Variants in NCKAP1 observed in about 807,000 individuals in gnomAD.
NCKAP1 encodes nck-associated protein 1.
Under a neutral mutation model 151.2 loss-of-function variants are expected in NCKAP1, and 21 were observed. The ratio of observed to expected loss-of-function variants is 0.14; its 90% CI spans 0.10 to 0.20. The LOEUF (loss-of-function observed/expected upper bound fraction) is 0.20, where lower values mean the gene tolerates loss of function less well. Ranked by LOEUF, NCKAP1 falls within the 10% of genes least tolerant of loss-of-function variation. The pLI is 1.00. For missense variants in NCKAP1, 933 were observed against 1,352.1 expected (o/e 0.69, Z 4.86); for synonymous variants, 484 against 451.8 (o/e 1.07, Z -0.90).
chr2:182,971,081 C>G (rs908724748), intron 15 of NCKAP1, among the ~76,000 whole-genome samples: 3 of 152,022 alleles, frequency 2.0e-5, no homozygotes, highest in African/African-American at 4.8e-5. Context: ...ATGAAGGAAA[C>G]TGAAGAAGAC....
intron 8 of NCKAP1, among the ~76,000 whole-genome samples, chr2:182,990,172 G>A (rs575168585): frequency 1.3e-5 from 2 of 151,962 alleles, no homozygotes; most frequent in South Asian, 2.1e-4. Context: ...ATTATCCTGT[G>A]TAGTAGACAA....
At chr2:183,036,807 T>C (rs1699110534) in intron 1 of NCKAP1, among the ~76,000 whole-genome samples, 1 of 137,172 alleles carries the variant, frequency 7.3e-6, no homozygotes, top group African/African-American at 3.2e-5. Context: ...CGCTTGGAAA[T>C]GAATTTCCAA....
rs1459130425 is a variant in NCKAP1, at chr2:182,945,445, TC to T, written c.2602-3283del. 2.0e-5 allele frequency among the ~76,000 whole-genome samples: 3 copies of T among 151,950 alleles called. No homozygotes were observed. The East Asian group carries it at 5.8e-4, about 29-fold the overall frequency. On this transcript the variant is annotated intron_variant, in intron 23 of 30. Transcript: ENST00000361354. ...AACCAGCAAAGAAATTACAGAATGA[TC>T]TTTAAAATATTACAATTCCCCCCAA...
intron 2 of NCKAP1, among the ~76,000 whole-genome samples, chr2:183,015,347 A>C (rs949779397): frequency 1.3e-5 from 2 of 152,156 alleles, no homozygotes; most frequent in African/African-American, 4.8e-5. Context: ...AACTCATGAA[A>C]ATTCAGTGGA....
chr2:182,971,351 A>G lies in NCKAP1; in HGVS notation c.1483-3990T>C, dbSNP rs1015881985. ...GGAGCTTGCAGTGAGCCGAGATCCC[A>G]CCACTGCACTCCAGCCTGGGCGACA... On this transcript the variant is annotated intron_variant, in intron 15 of 30. Coordinates refer to ENST00000361354, the MANE Select transcript of NCKAP1 (RefSeq NM_013436.5). Among the ~76,000 whole-genome samples, 5 of 140,860 alleles carry G rather than the reference A, an allele frequency of 3.5e-5. No homozygotes were observed. In the East Asian group the frequency reaches 6.2e-4, roughly 18 times the overall value. The allele number at this position is 140,860 out of a possible 152,430, so 92.4% of individuals were successfully genotyped here. A position where few individuals can be genotyped will look rare whatever the true frequency, so the allele number is the denominator to read the frequency against.
chr2:183,005,399 C>T (rs192894658), intron 2 of NCKAP1, among the ~76,000 whole-genome samples: 4 of 152,158 alleles, frequency 2.6e-5, no homozygotes, highest in Non-Finnish European at 5.9e-5. Flanking sequence ...TAAATACAAA[C>T]CTCATTTTCC....
In NCKAP1 at chr2:182,920,808, G is replaced by A. The variant is rs1048244671; in HGVS notation, c.*4894C>T. The A allele has an allele frequency of 2.0e-5, 3 of 152,050 alleles. No individual in the cohort carries two copies. Among genetic ancestry groups the A allele is most frequent in the Non-Finnish European group, 4.4e-5 (3 of 68,028 alleles). 9.4% of individuals were successfully genotyped at this position (152,050 alleles called of 1,614,324 possible). On this transcript the variant is annotated 3_prime_UTR_variant, in exon 31 of 31. Coordinates refer to ENST00000361354, the MANE Select transcript of NCKAP1 (RefSeq NM_013436.5). ...TTTCAACATATGAATTTTGTGGCCA[G>A]GGGGACACAAACATTCAGACCACAG...
intron 26 of NCKAP1, among the ~76,000 whole-genome samples, chr2:182,934,218 C>T (rs891826494): frequency 7.9e-5 from 12 of 151,828 alleles, no homozygotes; most frequent in African/African-American, 1.9e-4. Context: ...GCTCGCTACA[C>T]GCTCCGCCTC....
At chr2:182,934,001 T>A (rs1235816442) in intron 26 of NCKAP1, among the ~76,000 whole-genome samples, 1 of 152,160 alleles carries the variant, frequency 6.6e-6, no homozygotes, top group Admixed American at 6.5e-5. Context: ...TTTATATATA[T>A]ATTACATATA....
intron 13 of NCKAP1, among the ~76,000 whole-genome samples, chr2:182,979,734 G>C (rs1431483742): frequency 6.6e-5 from 10 of 152,112 alleles, no homozygotes; most frequent in Admixed American, 3.9e-4. Flanking sequence ...CTTTGCAACA[G>C]AAGAGGGTGG....
chr2:182,972,429 A>G (rs896866794), intron 15 of NCKAP1, among the ~76,000 whole-genome samples: 2 of 152,060 alleles, frequency 1.3e-5, no homozygotes, highest in African/African-American at 4.8e-5. Flanking sequence ...AATAAATGCT[A>G]ACGAGGATGT....
intron 15 of NCKAP1, among the ~76,000 whole-genome samples, chr2:182,974,862 A>G (rs1048486773): frequency 1.3e-5 from 2 of 152,260 alleles, no homozygotes; most frequent in Admixed American, 1.3e-4. Context: ...GCTCTTATAA[A>G]AATCTTAAAA....
intron 25 of NCKAP1, 121 bp from the exon 26 acceptor site, chr2:182,934,953 C>T: frequency 3.5e-6 from 2 of 572,480 alleles, no homozygotes; most frequent in South Asian, 3.0e-5. Context: ...TATCTACTTT[C>T]AGTGATTTTT....
intron 10 of NCKAP1, among the ~76,000 whole-genome samples, chr2:182,984,794 G>A (rs1422720823): frequency 6.6e-6 from 1 of 152,194 alleles, no homozygotes; most frequent in African/African-American, 2.4e-5. Context: ...ACTGTGAGGA[G>A]TCTGTGATGG....
At chr2:183,014,660 G>A (rs1698650823) in intron 2 of NCKAP1, among the ~76,000 whole-genome samples, 1 of 152,084 alleles carries the variant, frequency 6.6e-6, no homozygotes, top group African/African-American at 2.4e-5. Flanking sequence ...TGCAACATGT[G>A]TTATTTATTC....
In NCKAP1 at chr2:182,926,800, T is replaced by A; in HGVS notation, c.3270+16A>T. 6.6e-7 allele frequency: 1 copy of A among 1,510,952 alleles called. No individual in the cohort carries two copies. Among genetic ancestry groups the A allele is most frequent in the Non-Finnish European group, 9.0e-7 (1 of 1,107,090 alleles). 93.6% of individuals were successfully genotyped at this position (1,510,952 alleles called of 1,614,324 possible). Reference sequence around the variant, plus strand: ...GGAACTTTTTTATTGTTAGTAAAAATTAAAATGAGACTTACCATATCTAGC... The same window carrying A: ...GGAACTTTTTTATTGTTAGTAAAAAATAAAATGAGACTTACCATATCTAGC... On this transcript the variant is annotated intron_variant, in intron 30 of 30. Transcript: ENST00000361354.
chr2:182,982,261 A>T (rs758840358), intron 12 of NCKAP1, among the ~76,000 whole-genome samples: 1 of 152,186 alleles, frequency 6.6e-6, no homozygotes, highest in Non-Finnish European at 1.5e-5. Context: ...CTAATTTAAA[A>T]CTAAATTTGA....
intron 10 of NCKAP1, 137 bp downstream of exon 10, chr2:182,986,034 A>C: frequency 2.6e-6 from 2 of 757,182 alleles, no homozygotes; most frequent in South Asian, 3.4e-5. Context: ...AATATACTTA[A>C]TAATTCTCAT....
Position 182,930,877 on chromosome 2 carries a change from C to T in NCKAP1, c.2860-89G>A, listed in dbSNP as rs1355894515. ...GTTTATTAGAGTCTGCCTAGAAGAA[C>T]ACCAGAGAATTTCGGAAACTTGGCT... On this transcript the variant is annotated intron_variant, in intron 26 of 30. Coordinates refer to ENST00000361354, the MANE Select transcript of NCKAP1 (RefSeq NM_013436.5). The T allele has an allele frequency of 7.8e-6, 9 of 1,147,008 alleles. No homozygotes were observed. In the African/African-American group the frequency reaches 7.9e-5, roughly 10 times the overall value. The allele number at this position is 1,147,008 out of a possible 1,614,324, so 71.1% of individuals were successfully genotyped here.
Sources: gnomAD v4.1 joint callset for allele counts (sites outside exome capture counted in the v4.1 genomes callset) on GRCh38, gnomAD v4.1.1 for gene constraint, MANE v1.5 for transcripts, NCBI Gene and HGNC (gene_info 2026-07-23, HGNC 2026-07-21) for gene names.